Variants in PARM1 observed in about 807,000 individuals in gnomAD.
PARM1 encodes prostate androgen-regulated mucin-like protein 1.
Under a neutral mutation model 24.6 loss-of-function variants are expected in PARM1, and 14 were observed. The observed-to-expected ratio is 0.57, with a 90% CI of 0.38 to 0.89. PARM1 has a LOEUF of 0.89. Ranked by LOEUF, PARM1 falls within the 40% of genes least tolerant of loss-of-function variation. PARM1 has a pLI of 0.00. For synonymous variants in PARM1, 179 were observed against 156.6 expected (o/e 1.14, Z -1.07); for missense variants, 362 against 380.4 (o/e 0.95, Z 0.40).
chr4:74,996,947 T>C (rs1027835950), intron 1 of PARM1, among the ~76,000 whole-genome samples: 2 of 152,206 alleles, frequency 1.3e-5, no homozygotes, highest in African/African-American at 4.8e-5. Context: ...ACATAGCAAA[T>C]AGAAATGCTA....
chr4:75,028,562 A>G (rs190101829), intron 2 of PARM1, among the ~76,000 whole-genome samples: 68 of 152,360 alleles, frequency 4.5e-4, no homozygotes, highest in South Asian at 1.4e-3. Flanking sequence ...ACTCTTCTCA[A>G]AATAGATCAG....
intron 2 of PARM1, among the ~76,000 whole-genome samples, chr4:75,022,418 AT>A (rs1723103923): frequency 6.6e-6 from 1 of 152,206 alleles, no homozygotes; most frequent in Admixed American, 6.5e-5. Flanking sequence ...TGCTTTTGAA[AT>A]GTTTCCAAAA....
intron 3 of PARM1, among the ~76,000 whole-genome samples, chr4:75,039,258 G>A (rs947563208): frequency 1.3e-5 from 2 of 152,182 alleles, no homozygotes; most frequent in Non-Finnish European, 2.9e-5. Context: ...CCGGCCGGGT[G>A]TGGTGGCTCA....
intron 1 of PARM1, among the ~76,000 whole-genome samples, chr4:74,944,760 G>T (rs1206038939): frequency 6.6e-6 from 1 of 152,094 alleles, no homozygotes; most frequent in Non-Finnish European, 1.5e-5. Flanking sequence ...AGAAGAAAGT[G>T]TGGTTTTTGA....
intron 1 of PARM1, among the ~76,000 whole-genome samples, chr4:74,941,519 C>T (rs17195881): frequency 0.072 from 10,914 of 152,170 alleles, 434 homozygotes; most frequent in Non-Finnish European, 0.087. Flanking sequence ...CTCAAACCAA[C>T]GCTAGATGCT....
intron 1 of PARM1, among the ~76,000 whole-genome samples, chr4:74,945,049 A>G (rs1486293227): frequency 6.6e-6 from 1 of 152,240 alleles, no homozygotes; most frequent in Non-Finnish European, 1.5e-5. Flanking sequence ...ACTGGGCAAT[A>G]TTAGGCAACT....
At chr4:74,934,989 C>CTTCTT (rs1721147413) in intron 1 of PARM1, among the ~76,000 whole-genome samples, 1 of 10,872 alleles carries the variant, frequency 9.2e-5, no homozygotes. Context: ...CCAAGAAGCT[C>CTTCTT]TTTTTTCTTT....
intron 2 of PARM1, among the ~76,000 whole-genome samples, chr4:75,025,771 G>A (rs1225111170): frequency 6.6e-6 from 1 of 152,178 alleles, no homozygotes; most frequent in Non-Finnish European, 1.5e-5. Context: ...ACAAGCTTTA[G>A]GTAGGTAACA....
At chr4:75,011,069 A>G (rs774915779) in intron 1 of PARM1, among the ~76,000 whole-genome samples, 1 of 151,920 alleles carries the variant, frequency 6.6e-6, no homozygotes, top group Non-Finnish European at 1.5e-5. Context: ...ACATGTTTTA[A>G]ACAGCCAGAT....
chr4:74,977,238 A>G (rs191793669), intron 1 of PARM1, among the ~76,000 whole-genome samples: 1 of 152,342 alleles, frequency 6.6e-6, no homozygotes, highest in Non-Finnish European at 1.5e-5. Flanking sequence ...GCTATTAACC[A>G]GAATAACCAG....
chr4:75,022,266 C>T (rs1000961523), intron 2 of PARM1, among the ~76,000 whole-genome samples: 8 of 152,132 alleles, frequency 5.3e-5, no homozygotes, highest in Non-Finnish European at 8.8e-5. Flanking sequence ...TTAGTTTAAA[C>T]CTCAAAGTTT....
At chr4:74,981,325 A>G (rs1211409942) in intron 1 of PARM1, among the ~76,000 whole-genome samples, 1 of 152,240 alleles carries the variant, frequency 6.6e-6, no homozygotes, top group African/African-American at 2.4e-5. Flanking sequence ...TACTTCTTTA[A>G]GACATTTATG....
chr4:74,946,119 C>A (rs142260026), intron 1 of PARM1, among the ~76,000 whole-genome samples: 1 of 152,170 alleles, frequency 6.6e-6, no homozygotes, highest in Non-Finnish European at 1.5e-5. Context: ...CTAGAAAGTA[C>A]GCAGTACTAT....
intron 1 of PARM1, among the ~76,000 whole-genome samples, chr4:75,008,804 G>C (rs1722816580): frequency 6.6e-6 from 1 of 152,192 alleles, no homozygotes; most frequent in Non-Finnish European, 1.5e-5. Flanking sequence ...CTTTGTAGAT[G>C]ACTGATTTCT....
chr4:75,020,676 AC>A (rs1937995316), intron 2 of PARM1, among the ~76,000 whole-genome samples: 4 of 151,978 alleles, frequency 2.6e-5, no homozygotes, highest in Admixed American at 1.3e-4. Context: ...TCCACTTGTC[AC>A]CCCAGTGTCA....
At chr4:74,974,347 C>T (rs1345962780) in intron 1 of PARM1, among the ~76,000 whole-genome samples, 1 of 152,168 alleles carries the variant, frequency 6.6e-6, no homozygotes, top group Non-Finnish European at 1.5e-5. Context: ...CATCATGGGT[C>T]CCCAGGTCTC....
chr4:75,000,950 G>A (rs1722669594), intron 1 of PARM1, among the ~76,000 whole-genome samples: 1 of 152,188 alleles, frequency 6.6e-6, no homozygotes, highest in Non-Finnish European at 1.5e-5. Flanking sequence ...TGGTGTTTAA[G>A]AGGGCAAGAG....
At chr4:74,972,974 A>T (rs998408113) in intron 1 of PARM1, among the ~76,000 whole-genome samples, 2 of 152,146 alleles carry the variant, frequency 1.3e-5, no homozygotes, top group African/African-American at 4.8e-5. Flanking sequence ...CTTATCTACC[A>T]TGTGATGTTT....
intron 1 of PARM1, among the ~76,000 whole-genome samples, chr4:74,946,231 G>T (rs113865915): frequency 1.3e-5 from 2 of 152,116 alleles, no homozygotes; most frequent in East Asian, 1.9e-4. Flanking sequence ...TTGAACCCAG[G>T]TTTCTAATTT....
Sources: allele counts gnomAD v4.1 joint callset (sites outside exome capture counted in the v4.1 genomes callset), GRCh38; gene constraint gnomAD v4.1.1; transcripts MANE v1.5; gene names NCBI Gene and HGNC (gene_info 2026-07-23, HGNC 2026-07-21).